POU6F2: variants seen among roughly 807,000 people sequenced by gnomAD.
POU6F2 encodes POU domain, class 6, transcription factor 2.
In POU6F2, 31 loss-of-function variants were observed where a neutral mutation model predicts 71.3. That is an observed-to-expected ratio of 0.43 (90% CI 0.33 to 0.59). The LOEUF is 0.59. Among genes scored for constraint, POU6F2 ranks in the 20% least tolerant of loss-of-function variants. The pLI is 0.04. For synonymous variants in POU6F2, 347 were observed against 355.7 expected, an observed-to-expected ratio of 0.98 and a Z score of 0.27; for missense variants, 783 against 856.8, an observed-to-expected ratio of 0.91 and a Z score of 1.07.
At chr7:39,257,818 A>G (rs1438190162) in intron 4 of POU6F2, among the ~76,000 whole-genome samples, 1 of 151,862 alleles carries the variant, frequency 6.6e-6, no homozygotes, top group Non-Finnish European at 1.5e-5. Flanking sequence ...GAGGCAGGGT[A>G]CACACGGGGG....
At chr7:39,409,085 CT>C (rs1438483433) in intron 6 of POU6F2, among the ~76,000 whole-genome samples, 3 of 152,188 alleles carry the variant, frequency 2.0e-5, no homozygotes, top group Non-Finnish European at 4.4e-5. Flanking sequence ...TACAATTAGC[CT>C]TTCTCAAAAT....
At chr7:39,238,308 TGCTTCGCCA>T (rs2128750999) in intron 4 of POU6F2, among the ~76,000 whole-genome samples, 1 of 152,250 alleles carries the variant, frequency 6.6e-6, no homozygotes, top group South Asian at 2.1e-4. Context: ...ACATGGTAGT[TGCTTCGCCA>T]GTGTCTGTTT....
intron 1 of POU6F2, among the ~76,000 whole-genome samples, chr7:39,055,340 C>T: frequency 6.6e-6 from 1 of 152,032 alleles, no homozygotes; most frequent in Non-Finnish European, 1.5e-5. Flanking sequence ...TCTTTCAGGG[C>T]AGATAATTTA....
At chr7:39,412,804 TTTTTTTTTTTTTTTTG>T in intron 6 of POU6F2, among the ~76,000 whole-genome samples, 3 of 97,748 alleles carry the variant, frequency 3.1e-5, no homozygotes, top group South Asian at 4.0e-4. Context: ...TTTTTTTTTT[TTTTTTTTTTTTTTTTG>T]AGACGGAGTC....
chr7:39,313,600 C>T (rs570625061), intron 4 of POU6F2, among the ~76,000 whole-genome samples: 1 of 152,186 alleles, frequency 6.6e-6, no homozygotes, highest in East Asian at 1.9e-4. Flanking sequence ...TCCATTCCTT[C>T]CCCGTCCATC....
At chr7:39,433,462 G>A (rs1332253939) in intron 7 of POU6F2, among the ~76,000 whole-genome samples, 179 bp downstream of exon 7, 2 of 151,950 alleles carry the variant, frequency 1.3e-5, no homozygotes, top group East Asian at 1.9e-4. Context: ...AATGAATATG[G>A]GTGATAACTA....
chr7:39,183,111 C>T (rs1037488049), intron 2 of POU6F2, among the ~76,000 whole-genome samples: 10 of 152,268 alleles, frequency 6.6e-5, no homozygotes, highest in African/African-American at 1.9e-4. Context: ...GTCAGATCAG[C>T]AGCTGCATTA....
At chr7:39,187,612 C>T (rs375612893) in intron 2 of POU6F2, among the ~76,000 whole-genome samples, 6 of 152,140 alleles carry the variant, frequency 3.9e-5, no homozygotes, top group Non-Finnish European at 5.9e-5. Context: ...ATTTGAGAGC[C>T]GCTACTTCTG....
chr7:39,210,019 G>T (rs1355320609), intron 4 of POU6F2, among the ~76,000 whole-genome samples: 6 of 152,148 alleles, frequency 3.9e-5, no homozygotes, highest in African/African-American at 1.2e-4. Context: ...AGTCAACAGC[G>T]AGGGGAGAAG....
intron 5 of POU6F2, among the ~76,000 whole-genome samples, chr7:39,353,481 A>G (rs986416016): frequency 2.6e-5 from 4 of 152,222 alleles, no homozygotes; most frequent in African/African-American, 9.6e-5. Context: ...TGCTTAATAT[A>G]TACGTATGCA....
At chr7:39,252,709 T>C (rs1783947860) in intron 4 of POU6F2, among the ~76,000 whole-genome samples, 1 of 152,106 alleles carries the variant, frequency 6.6e-6, no homozygotes, top group South Asian at 2.1e-4. Context: ...TGCTGTTCCT[T>C]CCCTTGGAAT....
At chr7:39,040,101 G>GTATTATATATATGTA (rs1562681848) in intron 1 of POU6F2, among the ~76,000 whole-genome samples, 1 of 9,042 alleles carries the variant, frequency 1.1e-4, no homozygotes, top group African/African-American at 4.0e-4. Flanking sequence ...TTATATATAT[G>GTATTATATATATGTA]TATATATTAT....
chr7:39,410,510 T>C (rs1408698183), intron 6 of POU6F2, among the ~76,000 whole-genome samples: 1 of 152,196 alleles, frequency 6.6e-6, no homozygotes, highest in Non-Finnish European at 1.5e-5. Flanking sequence ...CTGGAAATCA[T>C]GCAAGTGTGG....
chr7:39,272,402 C>A (rs1358913160), intron 4 of POU6F2, among the ~76,000 whole-genome samples: 1 of 152,092 alleles, frequency 6.6e-6, no homozygotes, highest in East Asian at 1.9e-4. Flanking sequence ...TCTTCCCTAC[C>A]AACCAGGAAG....
intron 6 of POU6F2, among the ~76,000 whole-genome samples, chr7:39,416,093 TACACACACACACACACACACACACAC>T (rs57579748): frequency 1.4e-5 from 2 of 139,204 alleles, no homozygotes; most frequent in Non-Finnish European, 3.1e-5. Flanking sequence ...CTCGAAGGCA[TACACACACACACACACACACACACAC>T]ACACACACAC....
chr7:38,992,950 C>T (rs1279538463), intron 1 of POU6F2, among the ~76,000 whole-genome samples: 1 of 152,046 alleles, frequency 6.6e-6, no homozygotes, highest in Admixed American at 6.6e-5. Context: ...TGCGTACTTA[C>T]AAATTGACAA....
At chr7:39,076,301 G>A (rs997275819) in intron 1 of POU6F2, among the ~76,000 whole-genome samples, 1 of 150,104 alleles carries the variant, frequency 6.7e-6, no homozygotes, top group Non-Finnish European at 1.5e-5. Flanking sequence ...CACACTTACT[G>A]AGAGCCTATT....
intron 4 of POU6F2, among the ~76,000 whole-genome samples, chr7:39,268,111 T>C (rs563864078): frequency 6.6e-6 from 1 of 152,196 alleles, no homozygotes; most frequent in African/African-American, 2.4e-5. Context: ...CCTGAGATAA[T>C]ACACCATGTT....
intron 4 of POU6F2, among the ~76,000 whole-genome samples, chr7:39,288,566 G>T (rs1224192585): frequency 6.6e-6 from 1 of 152,094 alleles, no homozygotes; most frequent in African/African-American, 2.4e-5. Flanking sequence ...TGGTCCATTG[G>T]CTTGCAAGCC....
Sources: allele counts gnomAD v4.1 joint callset (sites outside exome capture counted in the v4.1 genomes callset), GRCh38; gene constraint gnomAD v4.1.1; transcripts MANE v1.5; gene names NCBI Gene and HGNC (gene_info 2026-07-23, HGNC 2026-07-21).